Variants in ING5 observed in about 807,000 individuals in gnomAD.
ING5 encodes inhibitor of growth protein 5.
A neutral mutation model predicts 37.4 loss-of-function variants in ING5; 17 were observed. The ratio of observed to expected loss-of-function variants is 0.45; its 90% CI spans 0.31 to 0.68. ING5 has a LOEUF of 0.68. Ranked by LOEUF, ING5 falls within the 30% of genes least tolerant of loss-of-function variation. ING5 has a pLI of 0.05. For synonymous variants in ING5, 123 were observed against 116.6 expected, an observed-to-expected ratio of 1.06 and a Z score of -0.36; for missense variants, 233 against 311.9, an observed-to-expected ratio of 0.75 and a Z score of 1.91.
chr2:241,721,391 A>G, intron 5 of ING5: 2 of 985,482 alleles, frequency 2.0e-6, no homozygotes, highest in Non-Finnish European at 2.4e-6. Context: ...GACAGAGAGA[A>G]AGAGCAGAAG....
At chr2:241,717,623 T>A (rs1028645024) in intron 5 of ING5, among the ~76,000 whole-genome samples, 6 of 152,018 alleles carry the variant, frequency 3.9e-5, no homozygotes, top group Non-Finnish European at 7.4e-5. Flanking sequence ...TCGCTAAAGA[T>A]GTTCTCTCAT....
intron 7 of ING5, 65 bp from the exon 8 acceptor site, chr2:241,724,924 C>T: frequency 2.0e-6 from 3 of 1,508,818 alleles, no homozygotes; most frequent in Non-Finnish European, 2.7e-6. Flanking sequence ...GGGAGGCGGG[C>T]CCTGGGCACC....
upstream of ING5, among the ~76,000 whole-genome samples, chr2:241,699,040 G>C (rs539378231): frequency 0.012 from 1,565 of 131,646 alleles, 50 homozygotes; most frequent in African/African-American, 0.044. Flanking sequence ...TTTTTTTTTG[G>C]GGGGGGAGGG....
At chr2:241,700,921 G>A (rs1468544166), upstream of ING5, among the ~76,000 whole-genome samples, 5 of 150,686 alleles carry the variant, frequency 3.3e-5, no homozygotes, top group Non-Finnish European at 1.5e-5. Flanking sequence ...CCACCGTGCC[G>A]AGTCTGAAAC....
intron 4 of ING5, chr2:241,711,770 G>A (rs1424664848): frequency 1.0e-5 from 6 of 595,534 alleles, no homozygotes; most frequent in Non-Finnish European, 1.5e-5. Flanking sequence ...GTGTGGTGGT[G>A]CACACCTGTG....
intron 5 of ING5, among the ~76,000 whole-genome samples, chr2:241,717,385 T>G (rs1162545146): frequency 6.6e-6 from 1 of 152,196 alleles, no homozygotes; most frequent in Non-Finnish European, 1.5e-5. Context: ...TATTATTTCT[T>G]AATATTTATT....
At position 241,726,572 on chromosome 2, in the gene ING5, C is replaced by T. The variant is rs929591058; in HGVS notation, c.*1541C>T. 2.0e-5 allele frequency: 3 copies of T among 152,324 alleles called. No individual in the cohort carries two copies. Among genetic ancestry groups the T allele is most frequent in the African/African-American group, 7.2e-5 (3 of 41,438 alleles). 9.4% of individuals were successfully genotyped at this position (152,324 alleles called of 1,614,324 possible). The stretch of plus-strand genomic sequence containing the variant: ...TGCCTCTGGGCCACCTGTCCTTTTC[C>T]GAGGGTGTGGGTGGGAGTGGATCCT... On this transcript the variant is annotated 3_prime_UTR_variant, in exon 8 of 8. Transcript: ENST00000313552.
At chr2:241,708,151 C>T (rs888518718) in intron 2 of ING5, among the ~76,000 whole-genome samples, 1 of 152,146 alleles carries the variant, frequency 6.6e-6, no homozygotes, top group Non-Finnish European at 1.5e-5. Flanking sequence ...CTGCCTTGGC[C>T]TCCCAAAGTG....
rs1262762913 is a variant in ING5 at position 241,725,334 on chromosome 2, C to T, written c.*303C>T. On this transcript the variant is annotated 3_prime_UTR_variant, in exon 8 of 8. Coordinates refer to ENST00000313552, the MANE Select transcript of ING5 (RefSeq NM_032329.6). ...AGCTCGGGCTGCCCGGCCGGGCGTG[C>T]GGGCGGGGACATGGTAACCTGGTCC... 21 of 403,144 alleles carry T rather than the reference C, an allele frequency of 5.2e-5. No individual in the cohort carries two copies. Among genetic ancestry groups the T allele is most frequent in the Admixed American group, 1.2e-4 (3 of 25,190 alleles). 25.0% of individuals were successfully genotyped at this position (403,144 alleles called of 1,614,324 possible). A position where few individuals can be genotyped will look rare whatever the true frequency, so the allele number is the denominator to read the frequency against.
chr2:241,701,030 G>T (rs2069711274), upstream of ING5, among the ~76,000 whole-genome samples: 1 of 146,822 alleles, frequency 6.8e-6, no homozygotes, highest in Non-Finnish European at 1.5e-5. Flanking sequence ...CTGGAGTGCA[G>T]ACGCGATCTC....
intron 5 of ING5, among the ~76,000 whole-genome samples, chr2:241,717,107 C>T: frequency 6.7e-6 from 1 of 149,606 alleles, no homozygotes; most frequent in East Asian, 1.9e-4. Flanking sequence ...CAGAGTCTTG[C>T]TCTGTGTCCC....
At chr2:241,692,163 G>C (rs541083450) in intron 2 of ING5, among the ~76,000 whole-genome samples, 1 of 152,294 alleles carries the variant, frequency 6.6e-6, no homozygotes, top group African/African-American at 2.4e-5. Flanking sequence ...CACCAGTCAT[G>C]TGGTGAGCCC....
rs2070468928 is a variant in ING5, at chr2:241,723,070, C to T, written c.614C>T (p.Pro205Leu). The T allele has an allele frequency of 1.2e-6, 2 of 1,614,234 alleles. No homozygotes were observed. The highest frequency in any genetic ancestry group is 4.5e-5 in the East Asian group (2 of 44,888). ...GGGGAGATGATTGGCTGTGACAATC[C>T]AGACGTGAGTGTCGCCTGCAGGATT... is the stretch of plus-strand genomic sequence containing the variant. Reference protein sequence around the residue: ...SYGEMIGCDNPDCPIEWFHFA... With the variant: ...SYGEMIGCDNLDCPIEWFHFA... Residue 205 changes from proline (P) to leucine (L), a missense_variant, in exon 6 of 8, where the codon CCA becomes CTA. Coordinates refer to ENST00000313552, the MANE Select transcript of ING5 (RefSeq NM_032329.6).
At chr2:241,694,546 A>G (rs2069603696) in intron 2 of ING5, among the ~76,000 whole-genome samples, 1 of 152,124 alleles carries the variant, frequency 6.6e-6, no homozygotes, top group African/African-American at 2.4e-5. Context: ...AAATGAAATA[A>G]ATGTGATTAA....
intron 2 of ING5, among the ~76,000 whole-genome samples, chr2:241,696,615 C>A (rs1255435194): frequency 6.6e-6 from 1 of 151,840 alleles, no homozygotes; most frequent in East Asian, 1.9e-4. Flanking sequence ...GATACCCCAA[C>A]TCTACAGAAA....
At chr2:241,690,372 T>C in exon 2 of ING5, 1 of 378,266 alleles carries the variant, frequency 2.6e-6, no homozygotes, top group Non-Finnish European at 4.7e-6. Flanking sequence ...TGACATTACA[T>C]GAAGTCCAGT....
intron 2 of ING5, among the ~76,000 whole-genome samples, chr2:241,708,588 T>C (rs2069998836): frequency 6.6e-6 from 1 of 152,200 alleles, no homozygotes. Flanking sequence ...ATCCAGTATG[T>C]TTTCTTTTGT....
Position 241,721,372 on chromosome 2 carries a change from C to G in ING5, c.483-1567C>G, listed in dbSNP as rs571195996. 4.6e-5 allele frequency: 45 copies of G among 985,476 alleles called. No individual in the cohort carries two copies. In the African/African-American group the frequency reaches 7.7e-4, roughly 17 times the overall value. 61.0% of individuals were successfully genotyped at this position (985,476 alleles called of 1,614,324 possible). ...TTCAGCTCTAAAGAGAAACCCCTGT[C>G]TATTCCCAGACAGAGAGAAAGAGCA... On this transcript the variant is annotated intron_variant, in intron 5 of 7. Transcript: ENST00000313552.
chr2:241,716,667 A>T (rs1422374391), intron 5 of ING5, among the ~76,000 whole-genome samples: 1 of 151,906 alleles, frequency 6.6e-6, no homozygotes, highest in East Asian at 1.9e-4. Context: ...CAGATATTAC[A>T]CTATTTGATG....
Sources: gnomAD v4.1 joint callset for allele counts (sites outside exome capture counted in the v4.1 genomes callset) on GRCh38, gnomAD v4.1.1 for gene constraint, MANE v1.5 for transcripts, NCBI Gene and HGNC (gene_info 2026-07-23, HGNC 2026-07-21) for gene names.